The following GDF11 variants were observed in gnomAD, a reference collection of about 807,000 sequenced individuals.
The protein encoded by GDF11 is growth/differentiation factor 11.
A neutral mutation model predicts 34.4 loss-of-function variants in GDF11; 12 were observed. That is an observed-to-expected ratio of 0.35 (90% CI 0.22 to 0.57). The LOEUF is 0.57. Among genes scored for constraint, GDF11 ranks in the 20% least tolerant of loss-of-function variants. The pLI is 0.86. For synonymous variants in GDF11, 212 were observed against 231.1 expected, an observed-to-expected ratio of 0.92 and a Z score of 0.75; for missense variants, 346 against 548.2, an observed-to-expected ratio of 0.63 and a Z score of 3.68.
Position 55,748,571 on chromosome 12 carries a change from C to T in GDF11, c.446-15C>T. 6.3e-7 allele frequency: 1 copy of T among 1,591,510 alleles called. No individual in the cohort carries two copies. On this transcript the variant is annotated splice_polypyrimidine_tract_variant and intron_variant, in intron 1 of 2. Coordinates refer to ENST00000257868, the MANE Select transcript of GDF11 (RefSeq NM_005811.5). The surrounding 1 kb of genome is among the most constrained non-coding windows in gnomAD (Gnocchi z 5.6). ...AAACACCCTTTGCTGATGCTGTGCC[C>T]TTCTCTCTTATCAGCGGACCCAGCA...
chr12:55,744,851 A>G (rs1592542830), intron 1 of GDF11, among the ~76,000 whole-genome samples: 1 of 151,980 alleles, frequency 6.6e-6, no homozygotes, highest in South Asian at 2.1e-4. Context: ...TTATTGGCAG[A>G]TGGGTCATAA....
Position 55,748,855 on chromosome 12 carries a change from G to A in GDF11, c.715G>A (p.Asp239Asn), listed in dbSNP as rs1381538589. ...HSRSGHWQSIDFKQVLHSWFR... is the reference protein window; with the variant it reads ...HSRSGHWQSINFKQVLHSWFR... ...ACGCTCAGGCCATTGGCAGAGCATC[G>A]ACTTCAAGCAAGTGCTACACAGCTG... is the stretch of plus-strand genomic sequence containing the variant. Residue 239 changes from aspartate to asparagine, a missense_variant, in exon 2 of 3, where the codon GAC becomes AAC. Coordinates refer to ENST00000257868, the MANE Select transcript of GDF11 (RefSeq NM_005811.5). This position sits in a 1 kb window ranked among gnomAD's most constrained non-coding sequence, Gnocchi z 5.6. 7 of 1,613,528 alleles carry A rather than the reference G, an allele frequency of 4.3e-6. No individual in the cohort carries two copies. The highest frequency in any genetic ancestry group is 1.7e-5 in the Admixed American group (1 of 59,992).
At position 55,748,499 on chromosome 12, in the gene GDF11, G is replaced by T; in HGVS notation, c.446-87G>T. The T allele has an allele frequency of 8.1e-7, 1 of 1,242,134 alleles. No individual in the cohort carries two copies. The highest frequency in any genetic ancestry group is 1.1e-6 in the Non-Finnish European group (1 of 891,510). The allele number at this position is 1,242,134 out of a possible 1,614,324, so 76.9% of individuals were successfully genotyped here. On this transcript the variant is annotated intron_variant, in intron 1 of 2. Transcript: ENST00000257868. The surrounding 1 kb of genome is among the most constrained non-coding windows in gnomAD (Gnocchi z 5.6). ...AAGAAGAACTGGAAAATCAGGCTGAGAAGTCCAAAATTGCCAGTGCCACCC... is the reference window on the plus strand; with the variant it reads ...AAGAAGAACTGGAAAATCAGGCTGATAAGTCCAAAATTGCCAGTGCCACCC...
In GDF11 at chr12:55,754,611, T is replaced by C. The variant is rs1326465300; in HGVS notation, c.*4729T>C. The stretch of plus-strand genomic sequence containing the variant: ...AAACATGTTCAAACTAGGGCACTCA[T>C]ACCTAGCTAGAACCTACTCAGGGAA... On this transcript the variant is annotated 3_prime_UTR_variant, in exon 3 of 3. Coordinates refer to ENST00000257868, the MANE Select transcript of GDF11 (RefSeq NM_005811.5). 1 of 152,212 alleles carries C rather than the reference T, an allele frequency of 6.6e-6. No homozygotes were observed. Among genetic ancestry groups the C allele is most frequent in the Non-Finnish European group, 1.5e-5 (1 of 68,046 alleles). 9.4% of individuals were successfully genotyped at this position (152,212 alleles called of 1,614,324 possible).
Position 55,749,138 on chromosome 12 carries a change from G to A in GDF11, c.843+155G>A, listed in dbSNP as rs549181612. Among the ~76,000 whole-genome samples the A allele has an allele frequency of 6.6e-6, 1 of 152,158 alleles. No homozygotes were observed. Among genetic ancestry groups the A allele is most frequent in the Non-Finnish European group, 1.5e-5 (1 of 68,026 alleles). ...GATTCTAGAGGAGGAGGTGAGGAGT[G>A]GGGTGGCAACTATTACTTCTCAAGG... On this transcript the variant is annotated intron_variant, in intron 2 of 2. Transcript: ENST00000257868. This position sits in a 1 kb window ranked among gnomAD's most constrained non-coding sequence, Gnocchi z 5.6.
At chr12:55,744,253 C>T (rs1878132273) in intron 1 of GDF11, among the ~76,000 whole-genome samples, 1 of 152,148 alleles carries the variant, frequency 6.6e-6, no homozygotes, top group South Asian at 2.1e-4. Context: ...TGTGCTTTCT[C>T]CCAAGAATAG....
At position 55,748,707 on chromosome 12, in the gene GDF11, C is replaced by T; in HGVS notation, c.567C>T (p.Arg189=). Residue 189 remains arginine (R), a synonymous_variant, in exon 2 of 3, where the codon CGC becomes CGT. Transcript: ENST00000257868. The surrounding 1 kb of genome is among the most constrained non-coding windows in gnomAD (Gnocchi z 5.6). The stretch of plus-strand genomic sequence containing the variant: ...GGGTGTACCTACGGCCTGTACCCCG[C>T]CCAGCCACAGTCTACCTGCAGATCT... ...QLWVYLRPVP[R]PATVYLQILR... 5.0e-6 allele frequency: 8 copies of T among 1,614,260 alleles called. No homozygotes were observed. The highest frequency in any genetic ancestry group is 6.8e-6 in the Non-Finnish European group (8 of 1,180,052).
chr12:55,747,306 G>C (rs1878206698), intron 1 of GDF11, among the ~76,000 whole-genome samples: 1 of 151,292 alleles, frequency 6.6e-6, no homozygotes, highest in African/African-American at 2.4e-5. Context: ...AAGCTATAGA[G>C]ACTTTGGGTA....
At position 55,750,733 on chromosome 12, in the gene GDF11, G is replaced by GT. The variant is rs1878293067; in HGVS notation, c.*852dup. On this transcript the variant is annotated 3_prime_UTR_variant, in exon 3 of 3. Coordinates refer to ENST00000257868, the MANE Select transcript of GDF11 (RefSeq NM_005811.5). ...ATTGAAGCCAGTTGTCATGGAAATA[G>GT]TAAGAGGTTAGGGTTTAAGAGCTGG... 6.6e-6 allele frequency: 1 copy of GT among 152,228 alleles called. No individual in the cohort carries two copies. The highest frequency in any genetic ancestry group is 1.5e-5 in the Non-Finnish European group (1 of 68,040). 9.4% of individuals were successfully genotyped at this position (152,228 alleles called of 1,614,324 possible). A position where few individuals can be genotyped will look rare whatever the true frequency, so the allele number is the denominator to read the frequency against.
At position 55,753,245 on chromosome 12, in the gene GDF11, T is replaced by TATGGAA. The variant is rs1364381828; in HGVS notation, c.*3363_*3364insATGGAA. On this transcript the variant is annotated 3_prime_UTR_variant, in exon 3 of 3. Transcript: ENST00000257868. ...GGTTCTCTTGAGATGATCCAGCTAGTGTCCTATTCTCCTGCAGTCCCTGTT... is the reference window on the plus strand; with the variant it reads ...GGTTCTCTTGAGATGATCCAGCTAGTATGGAAGTCCTATTCTCCTGCAGTCCCTGTT... 1 of 152,242 alleles carries TATGGAA rather than the reference T, an allele frequency of 6.6e-6. No homozygotes were observed. The highest frequency in any genetic ancestry group is 2.4e-5 in the African/African-American group (1 of 41,454). The allele number at this position is 152,242 out of a possible 1,614,324, so 9.4% of individuals were successfully genotyped here. A position where few individuals can be genotyped will look rare whatever the true frequency, so the allele number is the denominator to read the frequency against.
Position 55,748,703 on chromosome 12 carries a change from C to G in GDF11, c.563C>G (p.Pro188Arg). The G allele has an allele frequency of 6.2e-7, 1 of 1,614,258 alleles. No individual in the cohort carries two copies. Among genetic ancestry groups the G allele is most frequent in the African/African-American group, 1.3e-5 (1 of 75,066 alleles). ...CTGTGGGTGTACCTACGGCCTGTAC[C>G]CCGCCCAGCCACAGTCTACCTGCAG... ...AQLWVYLRPV[P>R]RPATVYLQIL... The change falls in exon 2 of 3, where the codon CCC becomes CGC. Residue 188 changes from proline to arginine, a missense_variant. This residue lies in a region of GDF11 where 205 missense variants were observed against 311.3 expected (regional missense o/e 0.66). Coordinates refer to ENST00000257868, the MANE Select transcript of GDF11 (RefSeq NM_005811.5). The surrounding 1 kb of genome is among the most constrained non-coding windows in gnomAD (Gnocchi z 5.6).
chr12:55,744,119 G>A (rs1271820738), intron 1 of GDF11, among the ~76,000 whole-genome samples: 1 of 152,158 alleles, frequency 6.6e-6, no homozygotes, highest in East Asian at 1.9e-4. Flanking sequence ...GAACAGAATC[G>A]GGAGGCTGCA....
chr12:55,744,025 T>G (rs1171309091), intron 1 of GDF11, among the ~76,000 whole-genome samples: 5 of 152,114 alleles, frequency 3.3e-5, no homozygotes, highest in Non-Finnish European at 7.4e-5. Flanking sequence ...ACCCCCAGTA[T>G]GCTAAAAAGA....
chr12:55,754,234 TG>T lies in GDF11; in HGVS notation c.*4354del, dbSNP rs1878431946. 6.6e-6 allele frequency: 1 copy of T among 152,234 alleles called. No homozygotes were observed. Among genetic ancestry groups the T allele is most frequent in the Non-Finnish European group, 1.5e-5 (1 of 68,042 alleles). The allele number at this position is 152,234 out of a possible 1,614,324, so 9.4% of individuals were successfully genotyped here. On this transcript the variant is annotated 3_prime_UTR_variant, in exon 3 of 3. Coordinates refer to ENST00000257868, the MANE Select transcript of GDF11 (RefSeq NM_005811.5). ...GCTGAAAATGGGTTTTCTCTCCCTG[TG>T]GCTCATTTGTTTCCTATATTGAGAG... is the stretch of plus-strand genomic sequence containing the variant.
chr12:55,749,759 T>C lies in GDF11; in HGVS notation c.1101T>C (p.Ser367=). 1 of 1,614,170 alleles carries C rather than the reference T, an allele frequency of 6.2e-7. No individual in the cohort carries two copies. The highest frequency in any genetic ancestry group is 1.3e-5 in the African/African-American group (1 of 75,032). ...TGCAGCAGGCCAATCCAAGAGGCTC[T>C]GCTGGGCCCTGTTGTACCCCCACCA... ...HLVQQANPRG[S]AGPCCTPTKM... Residue 367 remains serine (S), a synonymous_variant, in exon 3 of 3, where the codon TCT becomes TCC. Transcript: ENST00000257868. This position sits in a 1 kb window ranked among gnomAD's most constrained non-coding sequence, Gnocchi z 5.6.
At chr12:55,745,020 C>T (rs1214431057) in intron 1 of GDF11, among the ~76,000 whole-genome samples, 2 of 152,136 alleles carry the variant, frequency 1.3e-5, no homozygotes, top group African/African-American at 4.8e-5. Flanking sequence ...ACTCAAAGAA[C>T]CAGGAAACTG....
chr12:55,757,179 C>G lies in GDF11; in HGVS notation c.*7297C>G. 1 of 188,354 alleles carries G rather than the reference C, an allele frequency of 5.3e-6. No individual in the cohort carries two copies. Among genetic ancestry groups the G allele is most frequent in the Non-Finnish European group, 1.1e-5 (1 of 91,208 alleles). 11.7% of individuals were successfully genotyped at this position (188,354 alleles called of 1,614,324 possible). On this transcript the variant is annotated 3_prime_UTR_variant, in exon 3 of 3. Coordinates refer to ENST00000257868, the MANE Select transcript of GDF11 (RefSeq NM_005811.5). ...CTTCTAAGGGATAAAGGTATTATGG[C>G]CAATTCTCTATAATATTTGCCCCTG...
At chr12:55,744,244 G>A (rs1878132078) in intron 1 of GDF11, among the ~76,000 whole-genome samples, 1 of 152,174 alleles carries the variant, frequency 6.6e-6, no homozygotes, top group South Asian at 2.1e-4. Context: ...AGAGAACTGT[G>A]TGCTTTCTCC....
At chr12:55,747,757 G>A (rs960301620) in intron 1 of GDF11, among the ~76,000 whole-genome samples, 1 of 152,208 alleles carries the variant, frequency 6.6e-6, no homozygotes, top group Non-Finnish European at 1.5e-5. Flanking sequence ...ACTGGCACTA[G>A]ACTGAGAAGT....
Sources: gnomAD v4.1 joint callset for allele counts (sites outside exome capture counted in the v4.1 genomes callset) on GRCh38, gnomAD v4.1.1 for gene constraint, gnomAD v4.1.1 regional missense constraint, Gnocchi (gnomAD v3.1) non-coding constraint, MANE v1.5 for transcripts, NCBI Gene and HGNC (gene_info 2026-07-23, HGNC 2026-07-21) for gene names.